Variants in TSNARE1 observed in about 807,000 individuals in gnomAD.
TSNARE1 encodes t-SNARE domain containing 1.
In TSNARE1, 49 loss-of-function variants were observed where a neutral mutation model predicts 62.0. The observed-to-expected ratio is 0.79, with a 90% CI of 0.63 to 1.00. The LOEUF (loss-of-function observed/expected upper bound fraction) is 1.00, where lower values mean the gene tolerates loss of function less well. TSNARE1 is among the 50% of genes least tolerant of loss of function. TSNARE1 has a pLI of 0.00. For missense variants in TSNARE1, 755 were observed against 700.1 expected (o/e 1.08, Z -0.88); for synonymous variants, 328 against 294.4 (o/e 1.11, Z -1.17).
At chr8:142,226,957 C>A (rs1406666361) in intron 13 of TSNARE1, among the ~76,000 whole-genome samples, 1 of 131,346 alleles carries the variant, frequency 7.6e-6, no homozygotes, top group Non-Finnish European at 1.5e-5. Flanking sequence ...AGGACCACCA[C>A]TGCACCCACA....
In TSNARE1 at chr8:142,354,630, T is replaced by A. The variant is rs1293571574; in HGVS notation, c.88+7A>T. 6.2e-7 allele frequency: 1 copy of A among 1,603,728 alleles called. No homozygotes were observed. The highest frequency in any genetic ancestry group is 1.1e-5 in the South Asian group (1 of 90,690). On this transcript the variant is annotated splice_region_variant and intron_variant, in intron 2 of 13. Transcript: ENST00000524325. ...TCCCCGCCCCCACTTCCAGCTACTA[T>A]CATTACCTAGGGGCTGACAGCCTTG... is the stretch of plus-strand genomic sequence containing the variant.
intron 10 of TSNARE1, among the ~76,000 whole-genome samples, chr8:142,294,691 G>A (rs1018239484): frequency 5.3e-5 from 8 of 152,210 alleles, no homozygotes; most frequent in East Asian, 1.9e-4. Flanking sequence ...GCAGGAGCTC[G>A]GAGGGCCTGG....
intron 1 of TSNARE1, among the ~76,000 whole-genome samples, chr8:142,395,627 G>A (rs1171984333): frequency 6.6e-6 from 1 of 152,256 alleles, no homozygotes; most frequent in Non-Finnish European, 1.5e-5. Context: ...AAGGGGCCCA[G>A]GCTGGAGGCT....
intron 10 of TSNARE1, among the ~76,000 whole-genome samples, chr8:142,287,916 G>A (rs1317074206): frequency 6.6e-6 from 1 of 152,204 alleles, no homozygotes; most frequent in Non-Finnish European, 1.5e-5. Flanking sequence ...CCTCCAGGTC[G>A]TGGAACCCAG....
At chr8:142,300,298 C>T (rs964082389) in intron 10 of TSNARE1, 188 bp downstream of exon 10, 28 of 604,514 alleles carry the variant, frequency 4.6e-5, no homozygotes, top group Non-Finnish European at 7.0e-5. Context: ...CCCAGACTCC[C>T]GTCTCTCCCT....
At chr8:142,225,859 G>A (rs1292622449) in intron 13 of TSNARE1, among the ~76,000 whole-genome samples, 1 of 152,230 alleles carries the variant, frequency 6.6e-6, no homozygotes, top group Non-Finnish European at 1.5e-5. Context: ...CCCGGGAGGT[G>A]AAGTCTGGGA....
At chr8:142,283,291 C>T (rs1341545512) in intron 11 of TSNARE1, among the ~76,000 whole-genome samples, 241 of 69,040 alleles carry the variant, frequency 3.5e-3, no homozygotes, top group Middle Eastern at 0.013. Flanking sequence ...CCAGTGTCTG[C>T]CAATGAGCAG....
intron 4 of TSNARE1, among the ~76,000 whole-genome samples, chr8:142,341,533 C>T (rs1414856831): frequency 6.6e-6 from 1 of 152,196 alleles, no homozygotes; most frequent in African/African-American, 2.4e-5. Context: ...GCAGAGTGCG[C>T]ACCTGGGGCG....
intron 10 of TSNARE1, 81 bp from the exon 11 acceptor site, chr8:142,284,566 C>T: frequency 8.3e-7 from 1 of 1,208,944 alleles, no homozygotes; most frequent in South Asian, 1.2e-5. Context: ...CCCATGGAAC[C>T]TGGGGCGGGC....
rs1444846372 is a variant in TSNARE1, at chr8:142,319,186, C to A, written c.894-552G>T. ...CAACCACCCCCAAATACCCCACAGA[C>A]AGGAGGCTGAGCCACGAGCCCTCCC... On this transcript the variant is annotated intron_variant, in intron 6 of 13. Transcript: ENST00000524325. The surrounding 1 kb of genome is among the most constrained non-coding windows in gnomAD (Gnocchi z 4.9). Among the ~76,000 whole-genome samples, 1 of 152,062 alleles carries A rather than the reference C, an allele frequency of 6.6e-6. No individual in the cohort carries two copies. The highest frequency in any genetic ancestry group is 1.5e-5 in the Non-Finnish European group (1 of 68,010).
chr8:142,344,352 C>T lies in TSNARE1; in HGVS notation c.359G>A (p.Arg120Gln), dbSNP rs200700699. ...GAAGTTGGGCTTCCTCTTCTTGGCC[C>T]GGGTAGTGCTGGGCCCCGCCATCCG... ...HGRMAGPSTT[R>Q]AKKRKPNFCP... Residue 120 changes from arginine to glutamine, a missense_variant, in exon 4 of 14, where the codon CGG (arginine) becomes CAG (glutamine). Transcript: ENST00000524325. The T allele has an allele frequency of 4.5e-5, 71 of 1,570,744 alleles. No homozygotes were observed. Among genetic ancestry groups the T allele is most frequent in the Non-Finnish European group, 5.7e-5 (66 of 1,159,030 alleles).
intron 5 of TSNARE1, 63 bp from the exon 6 acceptor site, chr8:142,331,033 T>A: frequency 6.7e-7 from 1 of 1,486,286 alleles, no homozygotes; most frequent in Non-Finnish European, 9.4e-7. Context: ...TGCTACTCCA[T>A]ATGGGTGGCC....
chr8:142,222,554 A>G (rs1816394033), intron 13 of TSNARE1, among the ~76,000 whole-genome samples: 1 of 142,502 alleles, frequency 7.0e-6, no homozygotes, highest in Admixed American at 6.9e-5. Context: ...TCACTCACTC[A>G]CTCACTCATT....
In TSNARE1 at chr8:142,319,082, C is replaced by T. The variant is rs907903130; in HGVS notation, c.894-448G>A. Among the ~76,000 whole-genome samples the T allele has an allele frequency of 6.6e-6, 1 of 151,944 alleles. No individual in the cohort carries two copies. The highest frequency in any genetic ancestry group is 2.4e-5 in the African/African-American group (1 of 41,378). The stretch of plus-strand genomic sequence containing the variant: ...GAGAGACGGCGCAGGTAAGCTCTGG[C>T]TGGGGTGGGTGGCCCAGCCAGAACA... On this transcript the variant is annotated intron_variant, in intron 6 of 13. Transcript: ENST00000524325. The surrounding 1 kb of genome is among the most constrained non-coding windows in gnomAD (Gnocchi z 4.9).
intron 12 of TSNARE1, 154 bp downstream of exon 12, chr8:142,274,627 C>A: frequency 1.0e-6 from 1 of 985,480 alleles, no homozygotes; most frequent in Non-Finnish European, 1.2e-6. Context: ...AGCCCTAGGG[C>A]ACGGGCAGCA....
rs1404828831 is a variant in TSNARE1, at chr8:142,217,301, GAA to G, written c.*12-4990_*12-4989del. On this transcript the variant is annotated intron_variant, in intron 13 of 13. Coordinates refer to ENST00000524325, the MANE Select transcript of TSNARE1 (RefSeq NM_145003.5). ...AAAATAAAAAGAAGAAAGAAAGAAA[GAA>G]AAAGAAAGAAAGAAAGAAAGAAAGA... 2.1e-4 allele frequency among the ~76,000 whole-genome samples: 7 copies of G among 33,388 alleles called. 1 individual carries two copies. The highest frequency in any genetic ancestry group is 3.2e-4 in the African/African-American group (3 of 9,446). The allele number at this position is 33,388 out of a possible 152,430, so 21.9% of individuals were successfully genotyped here.
At chr8:142,292,238 G>A (rs1220452476) in intron 10 of TSNARE1, among the ~76,000 whole-genome samples, 3 of 152,156 alleles carry the variant, frequency 2.0e-5, no homozygotes, top group Admixed American at 6.5e-5. Flanking sequence ...CCGAGCTAGT[G>A]GACAGGGAAA....
chr8:142,238,757 A>ACGCCCG (rs1817555877), intron 12 of TSNARE1, among the ~76,000 whole-genome samples: 51 of 82,914 alleles, frequency 6.2e-4, no homozygotes, highest in Non-Finnish European at 7.3e-4. Context: ...CTGCACGCCC[A>ACGCCCG]CCCCTGCACG....
chr8:142,282,776 G>A (rs1379536384), intron 11 of TSNARE1, among the ~76,000 whole-genome samples: 1 of 147,850 alleles, frequency 6.8e-6, no homozygotes, highest in African/African-American at 2.6e-5. Context: ...CTGCCAATGA[G>A]CAGAGGCGGG....
Sources: gnomAD v4.1 joint callset for allele counts (sites outside exome capture counted in the v4.1 genomes callset) on GRCh38, gnomAD v4.1.1 for gene constraint, Gnocchi (gnomAD v3.1) non-coding constraint, MANE v1.5 for transcripts, NCBI Gene and HGNC (gene_info 2026-07-23, HGNC 2026-07-21) for gene names.